The following FAT2 variants were observed in gnomAD, a reference collection of about 807,000 sequenced individuals.
FAT2 encodes protocadherin Fat 2.
Under a neutral mutation model 295.3 loss-of-function variants are expected in FAT2, and 150 were observed. That is an observed-to-expected ratio of 0.51 (90% CI 0.44 to 0.58). The LOEUF is 0.58. Among genes scored for constraint, FAT2 ranks in the 20% least tolerant of loss-of-function variants. The probability of loss-of-function intolerance (pLI) is 0.00; values close to 1 mark genes in which losing one functional copy is unlikely to be tolerated. For missense variants in FAT2, 4,868 were observed against 5,442.7 expected (o/e 0.89, Z 3.32); for synonymous variants, 2,026 against 2,150.3 (o/e 0.94, Z 1.60).
At chr5:151,557,170 G>C (rs1270941533) in intron 3 of FAT2, among the ~76,000 whole-genome samples, 1 of 152,092 alleles carries the variant, frequency 6.6e-6, no homozygotes, top group African/African-American at 2.4e-5. Flanking sequence ...TTGGTTCCTC[G>C]TCACTAAAAT....
rs138515042 is a variant in FAT2 at position 151,523,009 on chromosome 5, A to C, written c.10507-923T>G. 2.4e-4 allele frequency among the ~76,000 whole-genome samples: 36 copies of C among 152,324 alleles called. No homozygotes were observed. In the East Asian group the frequency reaches 6.9e-3, roughly 29 times the overall value. On this transcript the variant is annotated intron_variant, in intron 18 of 23. Transcript: ENST00000261800. ...ACACATCCCTGCAACTTCCTGCCTG[A>C]CTTAGAAAGGACAGGCTTGCCTTCT...
chr5:151,521,821 T>C lies in FAT2; in HGVS notation c.10772A>G (p.Gln3591Arg), dbSNP rs780272789. Reference sequence around the variant, plus strand: ...CGAGTAGTGGCCACGAGGCAGGCCCTGGGCGGCGATAATCTTGCCATCAGG... The same window carrying C: ...CGAGTAGTGGCCACGAGGCAGGCCCCGGGCGGCGATAATCTTGCCATCAGG... The part of the protein sequence containing the change: ...GAPDGKIIAA[Q>R]GLPRGHYSFN... The change falls in exon 19 of 24, where the codon CAG (glutamine) becomes CGG (arginine). Residue 3591 changes from glutamine (Q) to arginine (R), a missense_variant. Around this residue, in one of 5 missense-constraint regions of FAT2, gnomAD observed 1,046 missense variants for 1,210.1 expected, o/e 0.86. Coordinates refer to ENST00000261800, the MANE Select transcript of FAT2 (RefSeq NM_001447.3). The C allele has an allele frequency of 6.2e-7, 1 of 1,613,984 alleles. No individual in the cohort carries two copies. The highest frequency in any genetic ancestry group is 8.5e-7 in the Non-Finnish European group (1 of 1,180,026).
At chr5:151,552,799 A>G (rs1326880101) in intron 6 of FAT2, among the ~76,000 whole-genome samples, 1 of 152,204 alleles carries the variant, frequency 6.6e-6, no homozygotes, top group South Asian at 2.1e-4. Flanking sequence ...GCATGGCCCC[A>G]GGGTATAGCT....
At chr5:151,506,176 A>C in intron 23 of FAT2, 79 bp from the exon 24 acceptor site, 3 of 1,421,496 alleles carry the variant, frequency 2.1e-6, no homozygotes, top group Non-Finnish European at 2.8e-6. Context: ...ACTATATATA[A>C]CCTAGCGAGT....
In FAT2 at chr5:151,545,122, G is replaced by A; in HGVS notation, c.6005C>T (p.Ser2002Phe). 6.2e-7 allele frequency: 1 copy of A among 1,614,204 alleles called. No homozygotes were observed. Among genetic ancestry groups the A allele is most frequent in the Middle Eastern group, 1.6e-4 (1 of 6,062 alleles). ...ATCTGTGCCATTCAAGAGAAAGTAG[G>A]AAAGGGTGTCATTCAAATGATTGCC... The part of the protein sequence containing the change: ...AQGNHLNDTL[S>F]YFLLNGTDMF... Residue 2002 changes from serine to phenylalanine, a missense_variant, in exon 10 of 24, where the codon TCC (serine) becomes TTC (phenylalanine). Transcript: ENST00000261800.
chr5:151,510,496 C>T (rs999726500), intron 21 of FAT2: 15 of 219,098 alleles, frequency 6.8e-5, no homozygotes, highest in African/African-American at 1.5e-4. Flanking sequence ...TTGATCCTCA[C>T]GATGACCCTG....
intron 23 of FAT2, 46 bp from the exon 24 acceptor site, chr5:151,506,143 A>G: frequency 6.7e-7 from 1 of 1,490,326 alleles, no homozygotes; most frequent in Non-Finnish European, 8.9e-7. Flanking sequence ...TCTCCCCGGA[A>G]GGTTTCAGCT....
chr5:151,575,805 C>A (rs11746961), intron 1 of FAT2, among the ~76,000 whole-genome samples: 1 of 152,130 alleles, frequency 6.6e-6, no homozygotes, highest in Non-Finnish European at 1.5e-5. Context: ...GCAGAACTTT[C>A]TGCAGTGATG....
rs762315143 is a variant in FAT2 at position 151,528,042 on chromosome 5, G to T, written c.10118C>A (p.Pro3373His). 5.0e-6 allele frequency: 8 copies of T among 1,614,178 alleles called. No individual in the cohort carries two copies. The South Asian group carries it at 7.7e-5, about 16-fold the overall frequency. The change falls in exon 16 of 24, where the codon CCC becomes CAC. Residue 3373 changes from proline to histidine, a missense_variant. By Grantham distance (77) the Pro-to-His change is moderately conservative. This residue lies in a region of FAT2 where 1,046 missense variants were observed against 1,210.1 expected (regional missense o/e 0.86). Transcript: ENST00000261800. ...GNQLGHFTIH[P>H]KKGELQVAKA... ...GGCCACCTGTAGCTCCCCCTTTTTGGGGTGAATGGTGAAGTGCCCAAGCTG... is the reference window on the plus strand; with the variant it reads ...GGCCACCTGTAGCTCCCCCTTTTTGTGGTGAATGGTGAAGTGCCCAAGCTG...
Position 151,565,913 on chromosome 5 carries a change from G to T in FAT2, c.3019C>A (p.Pro1007Thr), listed in dbSNP as rs368492693. ...TGGCAGAGAGTCCTGCGGGCTAGGG[G>T]CCTCCCACCATCACTGGCCCACAGG... The part of the protein sequence containing the change: ...LSLWASDGGR[P>T]LARRTLCHVE... Residue 1007 changes from proline to threonine, a missense_variant, in exon 2 of 24, where the codon CCC (proline) becomes ACC (threonine). Transcript: ENST00000261800. The T allele has an allele frequency of 1.5e-5, 25 of 1,613,808 alleles. No homozygotes were observed. Among genetic ancestry groups the T allele is most frequent in the Middle Eastern group, 3.3e-4 (2 of 6,084 alleles).
At chr5:151,554,742 T>C (rs2127632203) in intron 4 of FAT2, 69 bp from the exon 5 acceptor site, 5 of 1,178,584 alleles carry the variant, frequency 4.2e-6, no homozygotes, top group Non-Finnish European at 6.1e-6. Context: ...TTTAACAACC[T>C]GGAAATAGTA....
chr5:151,568,264 G>A lies in FAT2; in HGVS notation c.668C>T (p.Ala223Val). Reference protein sequence around the residue: ...WRGKHELQVLAVDRMRKISEG... With the variant: ...WRGKHELQVLVVDRMRKISEG... ...AGAGATTTTCCGCATGCGGTCCACA[G>A]CTAGCACCTGGAGCTCATGCTTTCC... Residue 223 changes from alanine to valine, a missense_variant, in exon 2 of 24, where the codon GCT becomes GTT. Coordinates refer to ENST00000261800, the MANE Select transcript of FAT2 (RefSeq NM_001447.3). 6.2e-7 allele frequency: 1 copy of A among 1,614,210 alleles called. No homozygotes were observed.
At position 151,566,748 on chromosome 5, in the gene FAT2, G is replaced by C. The variant is rs754292876; in HGVS notation, c.2184C>G (p.Val728=). 2 of 1,614,036 alleles carry C rather than the reference G, an allele frequency of 1.2e-6. No individual in the cohort carries two copies. The highest frequency in any genetic ancestry group is 1.7e-6 in the Non-Finnish European group (2 of 1,180,032). Residue 728 remains valine, a synonymous_variant, in exon 2 of 24, where the codon GTC becomes GTG. Coordinates refer to ENST00000261800, the MANE Select transcript of FAT2 (RefSeq NM_001447.3). ...FPQSIDVLES[V]PINTPLARLA... Reference sequence around the variant, plus strand: ...GGCGGGCCAAGGGGGTGTTGATAGGGACACTCTCAAGGACATCAATGGATT... The same window carrying C: ...GGCGGGCCAAGGGGGTGTTGATAGGCACACTCTCAAGGACATCAATGGATT...
chr5:151,522,845 G>T (rs1441788033), intron 18 of FAT2, among the ~76,000 whole-genome samples: 1 of 152,174 alleles, frequency 6.6e-6, no homozygotes, highest in African/African-American at 2.4e-5. Context: ...AGGGAAGCAG[G>T]CCTGACCTCA....
At chr5:151,524,993 CATG>C (rs1178326608) in intron 18 of FAT2, among the ~76,000 whole-genome samples, 1 of 152,166 alleles carries the variant, frequency 6.6e-6, no homozygotes, top group African/African-American at 2.4e-5. Context: ...TGTTTATCTC[CATG>C]ATTACAATGG....
intron 10 of FAT2, 120 bp from the exon 11 acceptor site, chr5:151,540,883 TCC>T: frequency 1.1e-6 from 1 of 888,824 alleles, no homozygotes; most frequent in East Asian, 2.8e-5. Context: ...AACATTTCCT[TCC>T]TTAACTAGGA....
intron 14 of FAT2, among the ~76,000 whole-genome samples, chr5:151,530,849 G>A (rs1581344602): frequency 6.6e-6 from 1 of 152,196 alleles, no homozygotes; most frequent in African/African-American, 2.4e-5. Context: ...CTGAAGCTGG[G>A]TGGTGGGAAC....
chr5:151,536,862 C>T (rs1001901658), intron 12 of FAT2, among the ~76,000 whole-genome samples: 5 of 152,228 alleles, frequency 3.3e-5, no homozygotes, highest in African/African-American at 2.4e-5. Flanking sequence ...GCTCTGCCCA[C>T]CCTGGGGCCT....
Position 151,507,390 on chromosome 5 carries a change from T to C in FAT2, c.12281A>G (p.Asp4094Gly). ...PDLLARSVGV[D>G]TQAMPAIELN... Reference sequence around the variant, plus strand: ...CTCGATGGCAGGCATGGCTTGGGTGTCAACACCAACACTCCTGGCCAGGAG... The same window carrying C: ...CTCGATGGCAGGCATGGCTTGGGTGCCAACACCAACACTCCTGGCCAGGAG... The change falls in exon 23 of 24, where the codon GAC (aspartate) becomes GGC (glycine). Residue 4094 changes from aspartate (D) to glycine (G), a missense_variant. Physicochemically the swap from Asp to Gly is moderately conservative, Grantham distance 94 (BLOSUM62 -1). Transcript: ENST00000261800. 1.2e-6 allele frequency: 2 copies of C among 1,614,100 alleles called. No homozygotes were observed. Among genetic ancestry groups the C allele is most frequent in the Non-Finnish European group, 1.7e-6 (2 of 1,180,014 alleles).
Sources: gnomAD v4.1 joint callset for allele counts (sites outside exome capture counted in the v4.1 genomes callset) on GRCh38, gnomAD v4.1.1 for gene constraint, gnomAD v4.1.1 regional missense constraint, MANE v1.5 for transcripts, NCBI Gene and HGNC (gene_info 2026-07-23, HGNC 2026-07-21) for gene names.